Variants in CSMD2 observed in about 807,000 individuals in gnomAD.
CSMD2 encodes the protein CUB and sushi domain-containing protein 2.
A neutral mutation model predicts 398.5 loss-of-function variants in CSMD2; 130 were observed. The observed-to-expected ratio is 0.33, with a 90% CI of 0.28 to 0.38. The LOEUF is 0.38. Among genes scored for constraint, CSMD2 ranks in the 10% least tolerant of loss-of-function variants. The pLI, the probability that CSMD2 is intolerant of heterozygous loss-of-function variation, is 1.00. For missense variants in CSMD2, 3,829 were observed against 4,764.9 expected (o/e 0.80, Z 5.78); for synonymous variants, 1,828 against 1,908.5 (o/e 0.96, Z 1.10).
intron 2 of CSMD2, among the ~76,000 whole-genome samples, chr1:34,034,061 ACTCT>A (rs555916644): frequency 7.6e-4 from 116 of 152,254 alleles, no homozygotes; most frequent in Non-Finnish European, 1.5e-3. Context: ...ATATTCATAT[ACTCT>A]CTCTCATCAA....
At chr1:33,791,426 TG>T (rs1029677935) in intron 11 of CSMD2, among the ~76,000 whole-genome samples, 3 of 152,158 alleles carry the variant, frequency 2.0e-5, no homozygotes, top group African/African-American at 7.2e-5. Flanking sequence ...GGGAGATGGA[TG>T]TGGTCAGGGT....
intron 13 of CSMD2, among the ~76,000 whole-genome samples, chr1:33,759,358 C>T (rs1355527384): frequency 8.6e-6 from 1 of 116,922 alleles, no homozygotes; most frequent in East Asian, 2.5e-4. Context: ...CAGAGTTTCT[C>T]TCTGTCACCC....
intron 57 of CSMD2, 77 bp downstream of exon 57, chr1:33,545,960 C>T: frequency 1.4e-6 from 2 of 1,421,148 alleles, no homozygotes; most frequent in Non-Finnish European, 1.9e-6. Flanking sequence ...AGCGCAGGTG[C>T]CTGGGAATAA....
At chr1:33,920,530 G>A (rs192444770) in intron 4 of CSMD2, among the ~76,000 whole-genome samples, 236 of 102,492 alleles carry the variant, frequency 2.3e-3, no homozygotes, top group African/African-American at 8.6e-3. Context: ...CAATAAGAGC[G>A]ACAATCTGTC....
At chr1:33,900,808 A>T (rs1358061509) in intron 5 of CSMD2, among the ~76,000 whole-genome samples, 1 of 152,192 alleles carries the variant, frequency 6.6e-6, no homozygotes, top group Non-Finnish European at 1.5e-5. Context: ...TTTTGTAAAC[A>T]TTAAATGAGA....
chr1:33,580,948 G>A (rs1638657387), intron 47 of CSMD2, 49 bp from the exon 48 acceptor site: 1 of 1,601,210 alleles, frequency 6.2e-7, no homozygotes, highest in Non-Finnish European at 8.5e-7. Context: ...CCATCACAGG[G>A]AGCCTCCAGG....
chr1:33,573,450 T>C (rs1397933267), intron 49 of CSMD2, among the ~76,000 whole-genome samples: 1 of 151,630 alleles, frequency 6.6e-6, no homozygotes, highest in Non-Finnish European at 1.5e-5. Context: ...ATCAGTAGTA[T>C]CTTGAGAAAG....
chr1:33,616,853 G>T, intron 39 of CSMD2, 53 bp downstream of exon 39: 1 of 1,416,390 alleles, frequency 7.1e-7, no homozygotes. Context: ...ACTGAGCTAA[G>T]ATCCCTGAGA....
chr1:33,594,218 TCCGGAGTTACAGCCAC>T (rs1383390937), intron 44 of CSMD2, among the ~76,000 whole-genome samples: 1 of 152,230 alleles, frequency 6.6e-6, no homozygotes, highest in African/African-American at 2.4e-5. Flanking sequence ...CTGGAGTTCA[TCCGGAGTTACAGCCAC>T]CTGGAGTTAC....
intron 4 of CSMD2, among the ~76,000 whole-genome samples, chr1:33,924,095 T>C (rs532180044): frequency 6.6e-6 from 1 of 152,312 alleles, no homozygotes; most frequent in South Asian, 2.1e-4. Flanking sequence ...CTTTTTTAAC[T>C]CCTCGTATGA....
chr1:33,704,130 T>C (rs1360533962), intron 22 of CSMD2, among the ~76,000 whole-genome samples: 2 of 152,236 alleles, frequency 1.3e-5, no homozygotes. Flanking sequence ...TTACAGTTTT[T>C]GTTTCTATTA....
chr1:33,733,502 T>G (rs1009737785), intron 15 of CSMD2, among the ~76,000 whole-genome samples: 3 of 152,204 alleles, frequency 2.0e-5, no homozygotes, highest in African/African-American at 7.2e-5. Flanking sequence ...TACCTCCTCA[T>G]GAAGAGTCAA....
At chr1:34,065,408 A>C (rs974237694) in intron 2 of CSMD2, among the ~76,000 whole-genome samples, 3 of 152,158 alleles carry the variant, frequency 2.0e-5, no homozygotes, top group Admixed American at 6.5e-5. Context: ...AGGCAGTAAA[A>C]CAGTCCAGAA....
intron 3 of CSMD2, among the ~76,000 whole-genome samples, chr1:33,971,586 A>C (rs1209677772): frequency 6.6e-6 from 1 of 152,254 alleles, no homozygotes; most frequent in East Asian, 1.9e-4. Context: ...TCTTGGAGTC[A>C]CATCCTCGTG....
At chr1:33,539,974 G>A (rs908532316) in intron 60 of CSMD2, among the ~76,000 whole-genome samples, 5 of 152,200 alleles carry the variant, frequency 3.3e-5, no homozygotes, top group East Asian at 3.9e-4. Flanking sequence ...CCCAAAGCAC[G>A]GGCATGGAGA....
intron 3 of CSMD2, among the ~76,000 whole-genome samples, chr1:33,975,297 T>C (rs1261711807): frequency 6.6e-6 from 1 of 152,198 alleles, no homozygotes; most frequent in East Asian, 1.9e-4. Context: ...CAAGGGCTCC[T>C]GACAGTTTTA....
At chr1:33,580,215 C>T (rs1005688557) in intron 48 of CSMD2, among the ~76,000 whole-genome samples, 2 of 152,166 alleles carry the variant, frequency 1.3e-5, no homozygotes, top group East Asian at 3.9e-4. Context: ...GACAGTAATC[C>T]CCATGACGAG....
chr1:34,026,082 G>A (rs1317316026), intron 3 of CSMD2, among the ~76,000 whole-genome samples: 1 of 152,166 alleles, frequency 6.6e-6, no homozygotes, highest in Non-Finnish European at 1.5e-5. Context: ...GTCCCATACT[G>A]AGCACATCTT....
chr1:34,047,228 C>T (rs747214783), intron 2 of CSMD2, among the ~76,000 whole-genome samples: 1 of 152,130 alleles, frequency 6.6e-6, no homozygotes, highest in African/African-American at 2.4e-5. Context: ...CCATAACGGC[C>T]GCTTGCTGTT....
Sources: allele counts gnomAD v4.1 joint callset (sites outside exome capture counted in the v4.1 genomes callset), GRCh38; gene constraint gnomAD v4.1.1; transcripts MANE v1.5; gene names NCBI Gene and HGNC (gene_info 2026-07-23, HGNC 2026-07-21).